ANK2: variants seen among roughly 807,000 people sequenced by gnomAD.
ANK2 encodes ankyrin 2, also known as ankyrin-2.
ANK2 carries 83 observed loss-of-function variants against 360.5 expected under a neutral mutation model. The ratio of observed to expected loss-of-function variants is 0.23; its 90% CI spans 0.19 to 0.28. ANK2 has a LOEUF of 0.28. Among genes scored for constraint, ANK2 ranks in the 10% least tolerant of loss-of-function variants. The probability of loss-of-function intolerance (pLI) is 1.00; values close to 1 mark genes in which losing one functional copy is unlikely to be tolerated. For missense variants in ANK2, 4,201 were observed against 4,795.7 expected (o/e 0.88, Z 3.66); for synonymous variants, 1,740 against 1,759.5 (o/e 0.99, Z 0.28).
intron 1 of ANK2, among the ~76,000 whole-genome samples, chr4:112,826,131 G>A: frequency 6.6e-6 from 1 of 152,152 alleles, no homozygotes; most frequent in East Asian, 1.9e-4. Context: ...GCAAGACCCT[G>A]TACTAATACT....
In ANK2 at chr4:113,149,874, C is replaced by CAAAAAAAAAAAAAAA. The variant is rs34667216; in HGVS notation, c.85-24530_85-24516dup. ...CTTGCGTGAGAGTGAGACCCTGCCT[C>CAAAAAAAAAAAAAAA]AAAAAAAAAAAAAAAAAAAAAAAAA... On this transcript the variant is annotated intron_variant, in intron 1 of 45. Transcript: ENST00000357077. 3.5e-4 allele frequency among the ~76,000 whole-genome samples: 11 copies of CAAAAAAAAAAAAAAA among 31,408 alleles called. 1 individual carries two copies. The highest frequency in any genetic ancestry group is 1.0e-3 in the African/African-American group (8 of 7,798). 20.6% of individuals were successfully genotyped at this position (31,408 alleles called of 152,430 possible).
chr4:112,971,949 A>T (rs1028060809), intron 2 of ANK2, among the ~76,000 whole-genome samples: 15 of 152,186 alleles, frequency 9.9e-5, no homozygotes, highest in Non-Finnish European at 1.9e-4. Context: ...TTTAAGATGC[A>T]CCTACTTGAA....
intron 1 of ANK2, among the ~76,000 whole-genome samples, chr4:113,115,034 C>T (rs1168094851): frequency 6.6e-6 from 1 of 152,108 alleles, no homozygotes; most frequent in Non-Finnish European, 1.5e-5. Context: ...TTCAGAACAC[C>T]CTGTGCTCTA....
chr4:113,022,002 C>T (rs1257752528), intron 2 of ANK2, among the ~76,000 whole-genome samples: 1 of 152,076 alleles, frequency 6.6e-6, no homozygotes, highest in Non-Finnish European at 1.5e-5. Flanking sequence ...AAATGTTTCC[C>T]CCATTTGGGT....
At chr4:112,810,932 T>TTC in the ANK2 span, among the ~76,000 whole-genome samples, 36 of 79,206 alleles carry the variant, frequency 4.5e-4, no homozygotes, top group African/African-American at 1.5e-3. Context: ...CTTTCTTTCT[T>TTC]TTTTTTTTTT....
chr4:112,770,438 G>A, the ANK2 span, among the ~76,000 whole-genome samples: 1 of 152,206 alleles, frequency 6.6e-6, no homozygotes, highest in African/African-American at 2.4e-5. Flanking sequence ...GAGTGTGGTG[G>A]CACCTGCCTC....
At chr4:113,139,476 C>A (rs958625636) in intron 1 of ANK2, among the ~76,000 whole-genome samples, 1 of 152,184 alleles carries the variant, frequency 6.6e-6, no homozygotes, top group Non-Finnish European at 1.5e-5. Context: ...TTCAAAAAAG[C>A]TGTGGGGAAG....
the ANK2 span, among the ~76,000 whole-genome samples, chr4:112,752,415 G>GT: frequency 1.3e-5 from 2 of 152,106 alleles, no homozygotes; most frequent in Non-Finnish European, 2.9e-5. Flanking sequence ...CTCAGCTTTT[G>GT]TTTTTTGTCT....
intron 2 of ANK2, among the ~76,000 whole-genome samples, chr4:112,933,615 C>T (rs1205661997): frequency 6.6e-6 from 1 of 152,096 alleles, no homozygotes; most frequent in African/African-American, 2.4e-5. Flanking sequence ...ATTCTCTGGC[C>T]TCAGCCTCCC....
chr4:112,738,265 A>G, the ANK2 span, among the ~76,000 whole-genome samples: 22 of 152,234 alleles, frequency 1.4e-4, no homozygotes, highest in African/African-American at 4.6e-4. Flanking sequence ...TACAAAAATT[A>G]GCCAGGTGTG....
At chr4:113,068,821 G>C (rs1245896168) in intron 1 of ANK2, among the ~76,000 whole-genome samples, 1 of 152,188 alleles carries the variant, frequency 6.6e-6, no homozygotes, top group Non-Finnish European at 1.5e-5. Flanking sequence ...AGCACTTTGG[G>C]AGGCTGAGGC....
At chr4:113,365,984 AT>A (rs2154056288) in intron 41 of ANK2, among the ~76,000 whole-genome samples, 1 of 152,314 alleles carries the variant, frequency 6.6e-6, no homozygotes, top group African/African-American at 2.4e-5. Context: ...CAGGGACTCC[AT>A]TCCTGCAAGT....
In ANK2 at chr4:113,021,541, CATAT is replaced by C. The variant is rs57817594; in HGVS notation, c.21+117062_21+117065del. On this transcript the variant is annotated intron_variant, in intron 2 of 30. Coordinates refer to the ANK2 transcript ENST00000503271. ...ATACACACACACACCCACACACAAA[CATAT>C]ATATATATATATATATATATATATA... Among the ~76,000 whole-genome samples, 278 of 95,578 alleles carry C rather than the reference CATAT, an allele frequency of 2.9e-3. 5 individuals carry two copies. Among genetic ancestry groups the C allele is most frequent in the African/African-American group, 4.9e-3 (129 of 26,140 alleles). 62.7% of individuals were successfully genotyped at this position (95,578 alleles called of 152,430 possible).
rs556085504 is a variant in ANK2 at position 112,826,364 on chromosome 4, C to G, written c.-40+8100C>G. On this transcript the variant is annotated intron_variant, in intron 1 of 30. Transcript: ENST00000503271. Reference sequence around the variant, plus strand: ...CTGTACCAAACACAGTGACAATGGTCTCACTGCAACCTGAAAAGCCAGTTG... The same window carrying G: ...CTGTACCAAACACAGTGACAATGGTGTCACTGCAACCTGAAAAGCCAGTTG... 3 of 975,386 alleles carry G rather than the reference C, an allele frequency of 3.1e-6. No homozygotes were observed. The East Asian group carries it at 7.3e-5, about 24-fold the overall frequency. 60.4% of individuals were successfully genotyped at this position (975,386 alleles called of 1,614,324 possible). A position where few individuals can be genotyped will look rare whatever the true frequency, so the allele number is the denominator to read the frequency against.
At chr4:113,245,867 C>A (rs576211919) in intron 9 of ANK2, among the ~76,000 whole-genome samples, 1 of 151,708 alleles carries the variant, frequency 6.6e-6, no homozygotes, top group East Asian at 1.9e-4. Flanking sequence ...TACAATAGTG[C>A]GATCTCGGCT....
rs537517749 is a variant in ANK2 at position 113,216,030 on chromosome 4, C to A, written c.385-16131C>A. Among the ~76,000 whole-genome samples the A allele has an allele frequency of 2.0e-5, 3 of 152,124 alleles. No homozygotes were observed. The South Asian group carries it at 6.2e-4, about 32-fold the overall frequency. ...TATCTGCTTAGAAAGAGCCTTTTTTCCCAACTGTTAAATCGGGCTACTCTG... is the reference window on the plus strand; with the variant it reads ...TATCTGCTTAGAAAGAGCCTTTTTTACCAACTGTTAAATCGGGCTACTCTG... On this transcript the variant is annotated intron_variant, in intron 4 of 45. Coordinates refer to ENST00000357077, the MANE Select transcript of ANK2 (RefSeq NM_001148.6).
At chr4:113,111,552 A>G (rs2094303013) in intron 1 of ANK2, among the ~76,000 whole-genome samples, 1 of 152,158 alleles carries the variant, frequency 6.6e-6, no homozygotes, top group African/African-American at 2.4e-5. Flanking sequence ...ATATACCCAG[A>G]GCTTTTATAA....
At chr4:113,254,985 A>G (rs1184566542) in intron 10 of ANK2, among the ~76,000 whole-genome samples, 1 of 152,258 alleles carries the variant, frequency 6.6e-6, no homozygotes, top group African/African-American at 2.4e-5. Context: ...GCTTTAAAAA[A>G]AATGAGAGTC....
chr4:113,255,619 AT>A lies in ANK2; in HGVS notation c.991-110del, dbSNP rs2048880574. 3.0e-5 allele frequency: 31 copies of A among 1,024,828 alleles called. No individual in the cohort carries two copies. In the South Asian group the frequency reaches 3.8e-4, roughly 12 times the overall value. 63.5% of individuals were successfully genotyped at this position (1,024,828 alleles called of 1,614,324 possible). A position where few individuals can be genotyped will look rare whatever the true frequency, so the allele number is the denominator to read the frequency against. Reference sequence around the variant, plus strand: ...TATATTCTGATGTCAAATGGAAATTATTTTTTCCCCTGCCACTAACTGTGTT... The same window carrying A: ...TATATTCTGATGTCAAATGGAAATTATTTTTCCCCTGCCACTAACTGTGTT... On this transcript the variant is annotated intron_variant, in intron 10 of 45. Coordinates refer to ENST00000357077, the MANE Select transcript of ANK2 (RefSeq NM_001148.6).
Sources: allele counts gnomAD v4.1 joint callset (sites outside exome capture counted in the v4.1 genomes callset), GRCh38; gene constraint gnomAD v4.1.1; transcripts MANE v1.5; gene names NCBI Gene and HGNC (gene_info 2026-07-23, HGNC 2026-07-21).